CHRNA1: variants seen among roughly 807,000 people sequenced by gnomAD.
CHRNA1 encodes the protein acetylcholine receptor subunit alpha.
A neutral mutation model predicts 47.1 loss-of-function variants in CHRNA1; 35 were observed. That is an observed-to-expected ratio of 0.74 (90% confidence interval 0.57 to 0.99). The LOEUF is 0.99. Among genes scored for constraint, CHRNA1 ranks in the 50% least tolerant of loss-of-function variants. The pLI is 0.00. For missense variants in CHRNA1, 506 were observed against 591.1 expected (o/e 0.86, Z 1.49); for synonymous variants, 229 against 223.6 (o/e 1.02, Z -0.22).
At chr2:174,749,074 G>A (rs1276667930) in intron 7 of CHRNA1, among the ~76,000 whole-genome samples, 2 of 152,212 alleles carry the variant, frequency 1.3e-5, no homozygotes, top group African/African-American at 4.8e-5. Context: ...GAGCCCATGT[G>A]CAGTCATCGA....
intron 1 of CHRNA1, 106 bp from the exon 2 acceptor site, chr2:174,759,739 A>T: frequency 7.0e-7 from 1 of 1,435,434 alleles, no homozygotes; most frequent in Non-Finnish European, 9.5e-7. Context: ...GTTCCTTCTA[A>T]CAGAAGGCAC....
At chr2:174,751,081 T>G (rs996085449) in intron 6 of CHRNA1, among the ~76,000 whole-genome samples, 6 of 152,214 alleles carry the variant, frequency 3.9e-5, no homozygotes, top group African/African-American at 1.2e-4. Context: ...TACAGTGGTT[T>G]CACACCACTC....
At chr2:174,749,331 A>C (rs573565816) in intron 7 of CHRNA1, among the ~76,000 whole-genome samples, 1 of 152,372 alleles carries the variant, frequency 6.6e-6, no homozygotes, top group South Asian at 2.1e-4. Flanking sequence ...AAAAGAGTAC[A>C]TTGTGAGCAG....
At chr2:174,758,099 A>G in intron 3 of CHRNA1, 1 of 1,603,640 alleles carries the variant, frequency 6.2e-7, no homozygotes, top group Non-Finnish European at 8.5e-7. Flanking sequence ...AAAAAGTACC[A>G]TATATTTTTC....
chr2:174,748,615 C>T lies in CHRNA1; in HGVS notation c.1207G>A (p.Ala403Thr), dbSNP rs1683783522. The T allele has an allele frequency of 1.9e-6, 3 of 1,613,928 alleles. No homozygotes were observed. Among genetic ancestry groups the T allele is most frequent in the South Asian group, 1.1e-5 (1 of 91,072 alleles). The change falls in exon 8 of 9, where the codon GCA becomes ACA. Residue 403 changes from alanine to threonine, a missense_variant. By Grantham distance (58) the Ala-to-Thr change is moderately conservative. Transcript: ENST00000348749. ...KSAIEGIKYIAETMKSDQESN... is the reference protein window; with the variant it reads ...KSAIEGIKYITETMKSDQESN... ...TCCTGGTCTGACTTCATGGTCTCTG[C>T]GATGTACTTGATGCCCTCGATGGCA...
chr2:174,757,413 C>A (rs550888688), intron 4 of CHRNA1, among the ~76,000 whole-genome samples, 153 bp downstream of exon 4: 2 of 150,028 alleles, frequency 1.3e-5, no homozygotes, highest in East Asian at 4.0e-4. Context: ...ACCTTGGCCT[C>A]CCAAAGTGCT....
At chr2:174,753,781 C>T (rs1343721138) in intron 5 of CHRNA1, 41 bp from the exon 6 acceptor site, 2 of 1,593,898 alleles carry the variant, frequency 1.3e-6, no homozygotes, top group Admixed American at 1.7e-5. Flanking sequence ...AGGCAGGTCA[C>T]CCTGATGAGG....
At chr2:174,751,764 C>T (rs1284444538) in intron 6 of CHRNA1, among the ~76,000 whole-genome samples, 2 of 151,294 alleles carry the variant, frequency 1.3e-5, no homozygotes, top group Non-Finnish European at 2.9e-5. Context: ...CTGCAACCTC[C>T]GCCTCCAGGG....
rs759534966 is a variant in CHRNA1 at position 174,753,633 on chromosome 2, G to A, written c.648C>T (p.Thr216=). Residue 216 remains threonine, a synonymous_variant, in exon 6 of 9, where the codon ACC becomes ACT. Transcript: ENST00000348749. The stretch of plus-strand genomic sequence containing the variant: ...AGTGGTAGGTGATGTCCAGGTAGGG[G>A]GTGTCGGGGCAGCAGGAATAGGTCA... ...HSVTYSCCPD[T]PYLDITYHFV... 20 of 1,613,988 alleles carry A rather than the reference G, an allele frequency of 1.2e-5. No individual in the cohort carries two copies. The Admixed American group carries it at 2.2e-4, about 17-fold the overall frequency.
chr2:174,755,936 T>C (rs1050875243), intron 4 of CHRNA1, among the ~76,000 whole-genome samples: 1 of 151,238 alleles, frequency 6.6e-6, no homozygotes, highest in African/African-American at 2.4e-5. Flanking sequence ...ACCTGGGAGG[T>C]TGAGGCAGAG....
In CHRNA1 at chr2:174,748,091, C is replaced by T. The variant is rs1379826603; in HGVS notation, c.*33G>A. On this transcript the variant is annotated 3_prime_UTR_variant, in exon 9 of 9. Coordinates refer to ENST00000348749, the MANE Select transcript of CHRNA1 (RefSeq NM_000079.4). The stretch of plus-strand genomic sequence containing the variant: ...CTGCCCTTCTCTGCTCTGGTAGGTT[C>T]CAGGGCAGAGCTAAGCTCAGCTCAT... 5.6e-6 allele frequency: 9 copies of T among 1,613,344 alleles called. No individual in the cohort carries two copies. The highest frequency in any genetic ancestry group is 5.9e-6 in the Non-Finnish European group (7 of 1,179,948).
At position 174,753,596 on chromosome 2, in the gene CHRNA1, G is replaced by A. The variant is rs745355427; in HGVS notation, c.685C>T (p.Arg229Cys). 48 of 1,614,168 alleles carry A rather than the reference G, an allele frequency of 3.0e-5. No homozygotes were observed. Among genetic ancestry groups the A allele is most frequent in the Non-Finnish European group, 3.8e-5 (45 of 1,180,030 alleles). The change falls in exon 6 of 9, where the codon CGC (arginine) becomes TGC (cysteine). Residue 229 changes from arginine (R) to cysteine (C), a missense_variant. Physicochemically the swap from Arg to Cys is radical, Grantham distance 180. Coordinates refer to ENST00000348749, the MANE Select transcript of CHRNA1 (RefSeq NM_000079.4). ...LDITYHFVMQ[R>C]LPLYFIVNVI... is the part of the protein sequence containing the mutation. Reference sequence around the variant, plus strand: ...TTGACGATGAAGTAGAGGGGCAGGCGCTGCATGACGAAGTGGTAGGTGATG... The same window carrying A: ...TTGACGATGAAGTAGAGGGGCAGGCACTGCATGACGAAGTGGTAGGTGATG...
In CHRNA1 at chr2:174,750,124, ACAGT is replaced by A; in HGVS notation, c.820_823del (p.Thr274CysfsTer9). The A allele has an allele frequency of 6.2e-7, 1 of 1,613,970 alleles. No homozygotes were observed. The highest frequency in any genetic ancestry group is 1.1e-5 in the South Asian group (1 of 91,062). On this transcript the variant is annotated frameshift_variant, in exon 7 of 9. Coordinates refer to ENST00000348749, the MANE Select transcript of CHRNA1 (RefSeq NM_000079.4). LOFTEE classifies it high-confidence loss of function. ...CAGCTCCACGATGACCAGAAGGAAC[ACAGT>A]CAAAGACAGTAAGACAGAGATGCTC...
chr2:174,751,109 T>A (rs559740442), intron 6 of CHRNA1, among the ~76,000 whole-genome samples: 1 of 152,378 alleles, frequency 6.6e-6, no homozygotes, highest in South Asian at 2.1e-4. Flanking sequence ...CATTTTCATA[T>A]AAGAGGAAGT....
rs377254749 is a variant in CHRNA1, at chr2:174,759,575, G to T, written c.102C>A (p.Asp34Glu). The change falls in exon 2 of 9, where the codon GAC (aspartate) becomes GAA (glutamate). Residue 34 changes from aspartate to glutamate, a missense_variant. Asp to Glu is a conservative substitution (Grantham distance 45). Coordinates refer to ENST00000348749, the MANE Select transcript of CHRNA1 (RefSeq NM_000079.4). ...CCACTGGCCGCACCACGCTGCTGTA[G>T]TCTTTAAATAGCTTTGCCACCAGAC... The part of the protein sequence containing the change: ...ETRLVAKLFK[D>E]YSSVVRPVED... The T allele has an allele frequency of 1.8e-5, 29 of 1,613,972 alleles. No individual in the cohort carries two copies. The highest frequency in any genetic ancestry group is 2.3e-5 in the Non-Finnish European group (27 of 1,180,030).
intron 1 of CHRNA1, among the ~76,000 whole-genome samples, chr2:174,759,960 G>GA (rs1022908364): frequency 3.1e-5 from 4 of 127,812 alleles, no homozygotes; most frequent in African/African-American, 1.0e-4. Flanking sequence ...ACACACACAC[G>GA]AAAAAAAAGC....
intron 3 of CHRNA1, among the ~76,000 whole-genome samples, chr2:174,758,643 A>G (rs1574010842): frequency 1.4e-5 from 1 of 71,924 alleles, no homozygotes; most frequent in African/African-American, 3.0e-5. Flanking sequence ...GCATTTTGGG[A>G]AAGGAGTACT....
In CHRNA1 at chr2:174,759,554, T is replaced by C; in HGVS notation, c.123A>G (p.Pro41=). ...LFKDYSSVVR[P]VEDHRQVVEV... ...CCACGACCTGGCGGTGGTCTTCCAC[T>C]GGCCGCACCACGCTGCTGTAGTCTT... Residue 41 remains proline (P), a synonymous_variant, in exon 2 of 9, where the codon CCA becomes CCG. Transcript: ENST00000348749. The C allele has an allele frequency of 6.2e-7, 1 of 1,614,068 alleles. No homozygotes were observed. Among genetic ancestry groups the C allele is most frequent in the Non-Finnish European group, 8.5e-7 (1 of 1,180,008 alleles).
Position 174,757,671 on chromosome 2 carries a change from C to T in CHRNA1, c.239G>A (p.Trp80Ter). ...ATTCCATTTTAGGTTGTAATCCACC[C>T]ATTGCTAGAAACAAAGACATACAGC... ...VTTNVRLKQQ[W>*]VDYNLKWNPD... Residue 80 changes from tryptophan (W) to a stop codon, truncating the protein, a stop_gained, in exon 4 of 9, where the codon TGG (tryptophan) becomes TAG (stop). Coordinates refer to ENST00000348749, the MANE Select transcript of CHRNA1 (RefSeq NM_000079.4). LOFTEE classifies it high-confidence loss of function. 6.2e-7 allele frequency: 1 copy of T among 1,613,424 alleles called. No homozygotes were observed. The highest frequency in any genetic ancestry group is 8.5e-7 in the Non-Finnish European group (1 of 1,179,350).
Sources: allele counts gnomAD v4.1 joint callset (sites outside exome capture counted in the v4.1 genomes callset), GRCh38; gene constraint gnomAD v4.1.1; transcripts MANE v1.5; gene names NCBI Gene and HGNC (gene_info 2026-07-23, HGNC 2026-07-21).